Variants in CTNNA2 observed in about 807,000 individuals in gnomAD.
CTNNA2 encodes catenin alpha-2.
A neutral mutation model predicts 101.0 loss-of-function variants in CTNNA2; 42 were observed. The ratio of observed to expected loss-of-function variants is 0.42; its 90% confidence interval spans 0.32 to 0.54. The LOEUF is 0.54. CTNNA2 is among the 20% of genes least tolerant of loss of function. CTNNA2 has a pLI of 0.14. For synonymous variants in CTNNA2, 450 were observed against 456.4 expected, an observed-to-expected ratio of 0.99 and a Z score of 0.18; for missense variants, 871 against 1,223.1, an observed-to-expected ratio of 0.71 and a Z score of 4.29.
chr2:80,057,559 ATC>A (rs1697306137), intron 7 of CTNNA2, among the ~76,000 whole-genome samples: 1 of 152,080 alleles, frequency 6.6e-6, no homozygotes, highest in African/African-American at 2.4e-5. Context: ...CAGTACTTCC[ATC>A]TCTCCTTTTC....
rs1256175389 is a variant in CTNNA2, at chr2:79,340,849, A to AG, written c.-318+28053_-318+28054insG. Among the ~76,000 whole-genome samples the AG allele has an allele frequency of 5.4e-5, 8 of 149,510 alleles. No individual in the cohort carries two copies. In the East Asian group the frequency reaches 7.8e-4, roughly 15 times the overall value. ...ACTCAGTCTCAAAAAAAAAAAAAAA[A>AG]AAAAAGAAAAGAAAAAAGAAACACA... On this transcript the variant is annotated intron_variant, in intron 3 of 21. Transcript: ENST00000466387.
At chr2:79,441,244 A>G (rs528182041) in intron 4 of CTNNA2, among the ~76,000 whole-genome samples, 49 of 152,310 alleles carry the variant, frequency 3.2e-4, no homozygotes, top group Admixed American at 8.5e-4. Context: ...TCTCCTTTCA[A>G]CTATAACTTA....
intron 1 of CTNNA2, among the ~76,000 whole-genome samples, chr2:79,545,848 A>G (rs956602355): frequency 2.0e-5 from 3 of 152,236 alleles, no homozygotes; most frequent in African/African-American, 7.2e-5. Flanking sequence ...TAATATGAAT[A>G]AATATAACTA....
chr2:80,474,926 A>G (rs1323073453), intron 9 of CTNNA2, among the ~76,000 whole-genome samples: 1 of 152,190 alleles, frequency 6.6e-6, no homozygotes, highest in East Asian at 1.9e-4. Context: ...GGAAGGTCAA[A>G]CCCAAGATGA....
intron 15 of CTNNA2, among the ~76,000 whole-genome samples, chr2:80,598,199 C>A (rs879443229): frequency 5.3e-5 from 8 of 151,898 alleles, no homozygotes; most frequent in Non-Finnish European, 1.2e-4. Flanking sequence ...AGCAAACTAA[C>A]AAAGGAACAA....
chr2:80,161,627 GT>G (rs1261707368), intron 7 of CTNNA2, among the ~76,000 whole-genome samples: 9 of 152,002 alleles, frequency 5.9e-5, no homozygotes, highest in Non-Finnish European at 1.2e-4. Context: ...AGTTTTTAAC[GT>G]TTGACTGACA....
chr2:79,915,863 G>A lies in CTNNA2; in HGVS notation c.1056+6066G>A, dbSNP rs370195895. ...GAGGCCCAGAACAACTAGTTGGCAAGTTCAGTATTTGGGTTTGATCTAAAA... is the reference window on the plus strand; with the variant it reads ...GAGGCCCAGAACAACTAGTTGGCAAATTCAGTATTTGGGTTTGATCTAAAA... On this transcript the variant is annotated intron_variant, in intron 7 of 18. Coordinates refer to ENST00000402739, the MANE Select transcript of CTNNA2 (RefSeq NM_001282597.3). Among the ~76,000 whole-genome samples, 5 of 152,288 alleles carry A rather than the reference G, an allele frequency of 3.3e-5. No homozygotes were observed. The East Asian group carries it at 9.6e-4, about 29-fold the overall frequency.
intron 7 of CTNNA2, among the ~76,000 whole-genome samples, chr2:79,962,319 T>C (rs533491425): frequency 3.3e-5 from 5 of 152,350 alleles, no homozygotes; most frequent in Non-Finnish European, 5.9e-5. Flanking sequence ...AAGGGCAAGA[T>C]AGCTTTCTGC....
intron 2 of CTNNA2, among the ~76,000 whole-genome samples, chr2:79,208,849 A>T (rs990142612): frequency 6.6e-6 from 1 of 152,236 alleles, no homozygotes; most frequent in Non-Finnish European, 1.5e-5. Flanking sequence ...TTCATCAGGA[A>T]TGAATAACTT....
At chr2:79,223,432 T>G (rs910428361) in intron 2 of CTNNA2, among the ~76,000 whole-genome samples, 7 of 152,206 alleles carry the variant, frequency 4.6e-5, no homozygotes, top group Non-Finnish European at 8.8e-5. Context: ...ATGAATTATC[T>G]TAGGGTACAT....
chr2:79,999,502 T>A (rs1467341496), intron 7 of CTNNA2, among the ~76,000 whole-genome samples: 3 of 152,208 alleles, frequency 2.0e-5, no homozygotes, highest in African/African-American at 7.2e-5. Flanking sequence ...AGGCATGGAA[T>A]GGTACAAGGA....
At chr2:79,659,520 T>C (rs1681864650) in intron 2 of CTNNA2, among the ~76,000 whole-genome samples, 1 of 152,218 alleles carries the variant, frequency 6.6e-6, no homozygotes, top group Non-Finnish European at 1.5e-5. Flanking sequence ...TAAAAGTGAA[T>C]GATGTGAACT....
chr2:80,064,693 A>G (rs566607802), intron 7 of CTNNA2, among the ~76,000 whole-genome samples: 5 of 152,088 alleles, frequency 3.3e-5, no homozygotes, highest in Non-Finnish European at 7.3e-5. Context: ...TCTTTATAGG[A>G]TGGTCTCAAT....
At chr2:80,543,244 G>T (rs915883360) in intron 9 of CTNNA2, among the ~76,000 whole-genome samples, 1 of 152,182 alleles carries the variant, frequency 6.6e-6, no homozygotes, top group Non-Finnish European at 1.5e-5. Flanking sequence ...GTGGAGAGAA[G>T]ACATTATGAT....
intron 7 of CTNNA2, among the ~76,000 whole-genome samples, chr2:80,147,887 A>G (rs544327031): frequency 6.6e-6 from 1 of 152,154 alleles, no homozygotes; most frequent in Non-Finnish European, 1.5e-5. Context: ...AGTGGTTTTA[A>G]AAGCTTTTAG....
At chr2:79,839,466 A>G (rs1679635648) in intron 3 of CTNNA2, among the ~76,000 whole-genome samples, 1 of 152,030 alleles carries the variant, frequency 6.6e-6, no homozygotes, top group Non-Finnish European at 1.5e-5. Flanking sequence ...TATATTTCAA[A>G]TGTGGAAAAT....
chr2:79,551,724 C>G (rs1392928828), intron 1 of CTNNA2, among the ~76,000 whole-genome samples: 1 of 152,112 alleles, frequency 6.6e-6, no homozygotes, highest in Non-Finnish European at 1.5e-5. Flanking sequence ...CTTCAAAAAG[C>G]TTACAATCAT....
At chr2:79,821,405 A>G (rs1259334014) in intron 3 of CTNNA2, among the ~76,000 whole-genome samples, 6 of 152,140 alleles carry the variant, frequency 3.9e-5, no homozygotes, top group Admixed American at 2.6e-4. Context: ...GACATGGTCT[A>G]GCTATGTTGC....
intron 9 of CTNNA2, among the ~76,000 whole-genome samples, chr2:80,510,552 A>G (rs1318993131): frequency 6.6e-6 from 1 of 152,146 alleles, no homozygotes. Context: ...CATACATGCC[A>G]ATGGTTTCCT....
Sources: gnomAD v4.1 joint callset for allele counts (sites outside exome capture counted in the v4.1 genomes callset) on GRCh38, gnomAD v4.1.1 for gene constraint, MANE v1.5 for transcripts, NCBI Gene and HGNC (gene_info 2026-07-23, HGNC 2026-07-21) for gene names.